The following SEC14L1 variants were observed in gnomAD, a reference collection of about 807,000 sequenced individuals.
SEC14L1 encodes SEC14-like protein 1.
In SEC14L1, 48 loss-of-function variants were observed where a neutral mutation model predicts 85.3. The observed-to-expected ratio is 0.56, with a 90% CI of 0.45 to 0.72. SEC14L1 has a LOEUF of 0.72. Ranked by LOEUF, SEC14L1 falls within the 30% of genes least tolerant of loss-of-function variation. SEC14L1 has a pLI of 0.00. For missense variants in SEC14L1, 682 were observed against 921.4 expected, an observed-to-expected ratio of 0.74 and a Z score of 3.36; for synonymous variants, 391 against 355.5, an observed-to-expected ratio of 1.10 and a Z score of -1.12.
chr17:77,206,317 G>A lies in SEC14L1; in HGVS notation c.1258G>A (p.Val420Met). ...GVKALLRIIE[V>M]VEANYPETLG... ...GAAAGCGCTGCTGCGGATCATCGAG[G>A]TGGTGGAGGCCAACTACCCTGAGAC... Residue 420 changes from valine to methionine, a missense_variant, in exon 12 of 17, where the codon GTG becomes ATG. Transcript: ENST00000436233. The surrounding 1 kb of genome is among the most constrained non-coding windows in gnomAD (Gnocchi z 4.3). The A allele has an allele frequency of 6.2e-7, 1 of 1,614,120 alleles. No homozygotes were observed.
intron 3 of SEC14L1, among the ~76,000 whole-genome samples, chr17:77,168,681 C>T (rs991639801): frequency 1.3e-5 from 2 of 152,138 alleles, no homozygotes; most frequent in Admixed American, 6.5e-5. Flanking sequence ...CAGCATTGGA[C>T]TCTGGTCTTG....
chr17:77,125,746 G>T (rs889342730), intron 3 of SEC14L1, among the ~76,000 whole-genome samples: 1 of 152,160 alleles, frequency 6.6e-6, no homozygotes, highest in South Asian at 2.1e-4. Flanking sequence ...GCCATCCCAC[G>T]TGCCTTATGT....
At chr17:77,180,045 TTTG>T (rs1213234995) in intron 3 of SEC14L1, among the ~76,000 whole-genome samples, 5 of 79,196 alleles carry the variant, frequency 6.3e-5, no homozygotes, top group Non-Finnish European at 8.8e-5. Context: ...TATGTTTTGT[TTTG>T]TTATGTTATG....
chr17:77,134,800 C>T (rs1331017715), intron 3 of SEC14L1, among the ~76,000 whole-genome samples: 1 of 152,126 alleles, frequency 6.6e-6, no homozygotes, highest in African/African-American at 2.4e-5. Flanking sequence ...CACTGTGTTT[C>T]CCAGGTTGGT....
At chr17:77,096,914 G>A (rs538368132) in intron 3 of SEC14L1, among the ~76,000 whole-genome samples, 2 of 152,322 alleles carry the variant, frequency 1.3e-5, no homozygotes, top group East Asian at 1.9e-4. Context: ...TGGGCTCTTA[G>A]TTACGAATCT....
In SEC14L1 at chr17:77,161,243, T is replaced by G. The variant is rs931269483; in HGVS notation, c.63+17584T>G. 5.3e-5 allele frequency among the ~76,000 whole-genome samples: 8 copies of G among 152,350 alleles called. No homozygotes were observed. In the East Asian group the frequency reaches 1.5e-3, roughly 29 times the overall value. ...GGCTCACGCCTATAATCCCAGTCCT[T>G]TGGGAGGCCAAGGCAGGCAGATAAC... On this transcript the variant is annotated intron_variant, in intron 3 of 16. Coordinates refer to ENST00000436233, the MANE Select transcript of SEC14L1 (RefSeq NM_001143998.2).
chr17:77,092,888 C>T (rs1316460895), intron 2 of SEC14L1, among the ~76,000 whole-genome samples: 3 of 138,978 alleles, frequency 2.2e-5, no homozygotes, highest in Admixed American at 8.0e-5. Context: ...GCGGAGGTTG[C>T]GGTGAGCCGA....
intron 2 of SEC14L1, among the ~76,000 whole-genome samples, chr17:77,092,971 A>G (rs1442591827): frequency 6.6e-6 from 1 of 151,006 alleles, no homozygotes; most frequent in Non-Finnish European, 1.5e-5. Flanking sequence ...AAAAAAAAAA[A>G]AAGAAAGGGA....
intron 3 of SEC14L1, among the ~76,000 whole-genome samples, chr17:77,156,787 A>T (rs983982193): frequency 1.4e-4 from 22 of 152,144 alleles, no homozygotes; most frequent in African/African-American, 4.6e-4. Flanking sequence ...AAAGAATCTG[A>T]TGCAAATCAT....
chr17:77,215,244 C>G lies in SEC14L1; in HGVS notation c.*1221C>G, dbSNP rs1976980012. 4 of 985,424 alleles carry G rather than the reference C, an allele frequency of 4.1e-6. No homozygotes were observed. Among genetic ancestry groups the G allele is most frequent in the Non-Finnish European group, 4.8e-6 (4 of 829,946 alleles). The allele number at this position is 985,424 out of a possible 1,614,324, so 61.0% of individuals were successfully genotyped here. A position where few individuals can be genotyped will look rare whatever the true frequency, so the allele number is the denominator to read the frequency against. Reference sequence around the variant, plus strand: ...TTCCTGATTTTAAAGCCTGCTCTATCTGGTACAGGCCCTTATTTTTTCAGC... The same window carrying G: ...TTCCTGATTTTAAAGCCTGCTCTATGTGGTACAGGCCCTTATTTTTTCAGC... On this transcript the variant is annotated 3_prime_UTR_variant, in exon 17 of 17. Transcript: ENST00000436233.
chr17:77,154,068 A>G (rs544233451), intron 3 of SEC14L1, among the ~76,000 whole-genome samples: 1 of 152,380 alleles, frequency 6.6e-6, no homozygotes, highest in South Asian at 2.1e-4. Context: ...AGGAAAAACA[A>G]CAAAAATAAT....
rs934510400 is a variant in SEC14L1 at position 77,200,783 on chromosome 17, G to T, written c.1009+110G>T. On this transcript the variant is annotated intron_variant, in intron 9 of 16. Transcript: ENST00000436233. ...TGAGTGGGGCCCCCTTGAGTGCATC[G>T]TTTCTCCTCACTCTGAGAATTTGGC... The T allele has an allele frequency of 1.1e-5, 11 of 994,918 alleles. No homozygotes were observed. The African/African-American group carries it at 1.1e-4, about 10-fold the overall frequency. The allele number at this position is 994,918 out of a possible 1,614,324, so 61.6% of individuals were successfully genotyped here.
chr17:77,100,133 T>C (rs1026189212), intron 3 of SEC14L1, among the ~76,000 whole-genome samples: 8 of 152,256 alleles, frequency 5.3e-5, no homozygotes, highest in Non-Finnish European at 1.2e-4. Context: ...GCTGCGCTGC[T>C]TCTCTTTGAG....
chr17:77,148,828 G>A (rs371949663), intron 3 of SEC14L1, among the ~76,000 whole-genome samples: 83 of 152,272 alleles, frequency 5.5e-4, no homozygotes, highest in Admixed American at 1.2e-3. Context: ...CCTGTTATCC[G>A]TCCTCGCACG....
intron 3 of SEC14L1, among the ~76,000 whole-genome samples, chr17:77,174,005 A>C (rs146667673): frequency 0.015 from 2,241 of 151,816 alleles, 52 homozygotes; most frequent in Admixed American, 0.041. Flanking sequence ...GGTTCAAGCG[A>C]TTCTTCTGCC....
At chr17:77,147,947 C>T (rs1973385603) in intron 3 of SEC14L1, among the ~76,000 whole-genome samples, 1 of 152,100 alleles carries the variant, frequency 6.6e-6, no homozygotes, top group Non-Finnish European at 1.5e-5. Flanking sequence ...CAGTGAAGGA[C>T]ACTGATTGAT....
At chr17:77,175,404 A>G (rs947500327) in intron 3 of SEC14L1, among the ~76,000 whole-genome samples, 1 of 152,234 alleles carries the variant, frequency 6.6e-6, no homozygotes, top group Non-Finnish European at 1.5e-5. Context: ...GTGGCGTGAA[A>G]GCAGGGATAC....
intron 3 of SEC14L1, among the ~76,000 whole-genome samples, chr17:77,126,912 G>A (rs189602107): frequency 1.3e-5 from 2 of 152,154 alleles, no homozygotes; most frequent in African/African-American, 2.4e-5. Context: ...TACCACTGCC[G>A]GGAGAGTGAG....
chr17:77,191,361 C>T, intron 5 of SEC14L1, 49 bp downstream of exon 5: 6 of 1,606,256 alleles, frequency 3.7e-6, no homozygotes, highest in Non-Finnish European at 5.1e-6. Flanking sequence ...CATATGGCTT[C>T]TGAGGATTGT....
Sources: allele counts gnomAD v4.1 joint callset (sites outside exome capture counted in the v4.1 genomes callset), GRCh38; gene constraint gnomAD v4.1.1; non-coding constraint Gnocchi (gnomAD v3.1); transcripts MANE v1.5; gene names NCBI Gene and HGNC (gene_info 2026-07-23, HGNC 2026-07-21).